Variants in COL5A1 observed in about 807,000 individuals in gnomAD.
The protein encoded by COL5A1 is collagen alpha-1(V) chain.
A neutral mutation model predicts 263.7 loss-of-function variants in COL5A1; 16 were observed. The ratio of observed to expected loss-of-function variants is 0.06; its 90% CI spans 0.04 to 0.09. The LOEUF is 0.09. Ranked by LOEUF, COL5A1 falls within the 10% of genes least tolerant of loss-of-function variation. The pLI is 1.00. For missense variants in COL5A1, 2,036 were observed against 2,540.5 expected (o/e 0.80, Z 4.27); for synonymous variants, 1,012 against 1,004.5 (o/e 1.01, Z -0.14).
At chr9:134,712,487 C>T (rs114336366) in intron 4 of COL5A1, among the ~76,000 whole-genome samples, 137 of 95,590 alleles carry the variant, frequency 1.4e-3, no homozygotes, top group African/African-American at 5.9e-3. Flanking sequence ...TATTTCCCCT[C>T]CTGCCTTCCC....
rs1352535380 is a variant in COL5A1, at chr9:134,684,948, T to TCATC, written c.110-5953_110-5950dup. 2.6e-5 allele frequency among the ~76,000 whole-genome samples: 3 copies of TCATC among 113,902 alleles called. No homozygotes were observed. In the East Asian group the frequency reaches 8.8e-4, roughly 34 times the overall value. 74.7% of individuals were successfully genotyped at this position (113,902 alleles called of 152,430 possible). On this transcript the variant is annotated intron_variant, in intron 1 of 65. Coordinates refer to ENST00000371817, the MANE Select transcript of COL5A1 (RefSeq NM_000093.5). ...ATTCATCCATCCATCCACCATCCAT[T>TCATC]CATCCATCCATCCACCATCCATCCA...
intron 39 of COL5A1, 144 bp from the exon 40 acceptor site, chr9:134,804,831 A>T (rs934378872): frequency 2.7e-6 from 2 of 729,574 alleles, no homozygotes; most frequent in African/African-American, 3.5e-5. Flanking sequence ...GAAGGCCCCA[A>T]CCCTTGGCCT....
Position 134,642,169 on chromosome 9 carries a change from C to A in COL5A1, c.-19C>A. 1 of 1,248,400 alleles carries A rather than the reference C, an allele frequency of 8.0e-7. No individual in the cohort carries two copies. Among genetic ancestry groups the A allele is most frequent in the Non-Finnish European group, 1.0e-6 (1 of 1,001,470 alleles). The allele number at this position is 1,248,400 out of a possible 1,614,324, so 77.3% of individuals were successfully genotyped here. ...CGCCTCCGAGCGCCCCTGTGCGCCC[C>A]GGCCCGCGCCCCGCCGGCATGGACG... On this transcript the variant is annotated 5_prime_UTR_variant, in exon 1 of 66. Transcript: ENST00000371817. The surrounding 1 kb of genome is among the most constrained non-coding windows in gnomAD (Gnocchi z 4.5).
chr9:134,802,320 C>T (rs1354442239), intron 38 of COL5A1, among the ~76,000 whole-genome samples: 1 of 152,152 alleles, frequency 6.6e-6, no homozygotes, highest in Non-Finnish European at 1.5e-5. Context: ...CCAAGGCAGC[C>T]GAGTCCTCCT....
rs1830140104 is a variant in COL5A1, at chr9:134,842,600, C to G, written c.*297C>G. 3.7e-6 allele frequency: 2 copies of G among 534,434 alleles called. No homozygotes were observed. The highest frequency in any genetic ancestry group is 3.8e-5 in the African/African-American group (2 of 52,400). The allele number at this position is 534,434 out of a possible 1,614,324, so 33.1% of individuals were successfully genotyped here. A position where few individuals can be genotyped will look rare whatever the true frequency, so the allele number is the denominator to read the frequency against. On this transcript the variant is annotated 3_prime_UTR_variant, in exon 66 of 66. Transcript: ENST00000371817. The surrounding 1 kb of genome is among the most constrained non-coding windows in gnomAD (Gnocchi z 5.8). The stretch of plus-strand genomic sequence containing the variant: ...CCCGGGAGCGGGGCCATGCCTCCAG[C>G]CCCCCAGCTCGCCCGACCCATCCTG...
intron 4 of COL5A1, among the ~76,000 whole-genome samples, chr9:134,719,540 T>G (rs1427816913): frequency 1.3e-5 from 2 of 152,202 alleles, no homozygotes; most frequent in Non-Finnish European, 2.9e-5. Flanking sequence ...TGGGCTTCCC[T>G]GCGTCCAGTG....
At position 134,804,825 on chromosome 9, in the gene COL5A1, G is replaced by C; in HGVS notation, c.3115-150G>C. 4 of 712,708 alleles carry C rather than the reference G, an allele frequency of 5.6e-6. No homozygotes were observed. The South Asian group carries it at 6.2e-5, about 11-fold the overall frequency. 44.1% of individuals were successfully genotyped at this position (712,708 alleles called of 1,614,324 possible). ...TGTGTCGCTGGCTCCAGGAGAGAAG[G>C]CCCCAACCCTTGGCCTCGCTCTGGG... is the stretch of plus-strand genomic sequence containing the variant. On this transcript the variant is annotated intron_variant, in intron 39 of 65. Transcript: ENST00000371817.
intron 2 of COL5A1, among the ~76,000 whole-genome samples, chr9:134,694,665 C>T (rs1045368573): frequency 2.0e-5 from 3 of 152,192 alleles, no homozygotes; most frequent in Non-Finnish European, 2.9e-5. Context: ...CCCTGAGCCA[C>T]GGTTGCTGAC....
At chr9:134,654,615 G>T (rs1314524688) in intron 1 of COL5A1, among the ~76,000 whole-genome samples, 1 of 128,798 alleles carries the variant, frequency 7.8e-6, no homozygotes, top group Non-Finnish European at 1.6e-5. Flanking sequence ...GGCTGAGGGT[G>T]TGTAGGGCTG....
chr9:134,669,794 G>C (rs908594393), intron 1 of COL5A1, among the ~76,000 whole-genome samples: 1 of 152,182 alleles, frequency 6.6e-6, no homozygotes, highest in Non-Finnish European at 1.5e-5. Flanking sequence ...GAGGGGAGAA[G>C]TGAGGAGAGC....
intron 61 of COL5A1, 144 bp from the exon 62 acceptor site, chr9:134,824,456 A>G (rs1812081645): frequency 4.0e-6 from 4 of 999,444 alleles, no homozygotes; most frequent in South Asian, 1.6e-5. Flanking sequence ...AAACAGTTCT[A>G]AGGCGGACAG....
chr9:134,762,868 CGTGTGTGT>C (rs36058752), intron 19 of COL5A1, among the ~76,000 whole-genome samples: 2 of 149,712 alleles, frequency 1.3e-5, no homozygotes, highest in Non-Finnish European at 3.0e-5. Flanking sequence ...ATTGAGAGGA[CGTGTGTGT>C]GTGTGTGTGT....
intron 1 of COL5A1, among the ~76,000 whole-genome samples, chr9:134,669,095 T>C (rs972341059): frequency 5.3e-5 from 8 of 150,036 alleles, no homozygotes; most frequent in Admixed American, 1.3e-4. Context: ...CTTTCACCCA[T>C]TGATCCAGAC....
In COL5A1 at chr9:134,798,080, G is replaced by C. The variant is rs200813206; in HGVS notation, c.2899-328G>C. On this transcript the variant is annotated intron_variant, in intron 36 of 65. Coordinates refer to ENST00000371817, the MANE Select transcript of COL5A1 (RefSeq NM_000093.5). ...TTGGACTTTGCAACTGGACAGACTT[G>C]GGTCCTGGCACCGGCTGTGTCACCT... is the stretch of plus-strand genomic sequence containing the variant. Among the ~76,000 whole-genome samples, 15 of 152,306 alleles carry C rather than the reference G, an allele frequency of 9.8e-5. No individual in the cohort carries two copies. In the East Asian group the frequency reaches 2.9e-3, roughly 29 times the overall value.
intron 1 of COL5A1, among the ~76,000 whole-genome samples, chr9:134,648,885 C>T (rs1831567493): frequency 6.6e-6 from 1 of 152,202 alleles, no homozygotes; most frequent in Admixed American, 6.5e-5. Context: ...CAGTCGCGGG[C>T]CAGGCCAAGT....
intron 1 of COL5A1, among the ~76,000 whole-genome samples, chr9:134,661,905 G>A (rs949488169): frequency 1.3e-5 from 2 of 152,110 alleles, no homozygotes; most frequent in African/African-American, 4.8e-5. Flanking sequence ...AGGATGCTAA[G>A]GCGAGTCCCA....
At chr9:134,781,816 G>T (rs1017021474) in intron 28 of COL5A1, among the ~76,000 whole-genome samples, 1 of 152,216 alleles carries the variant, frequency 6.6e-6, no homozygotes, top group Non-Finnish European at 1.5e-5. Flanking sequence ...GCTGGCGCTG[G>T]CTGGAAAGGG....
chr9:134,807,504 G>A (rs924937666), intron 42 of COL5A1, among the ~76,000 whole-genome samples: 1 of 152,204 alleles, frequency 6.6e-6, no homozygotes, highest in Non-Finnish European at 1.5e-5. Flanking sequence ...TGTTGGCCAG[G>A]CTGGTCTCGA....
chr9:134,656,657 C>A (rs529560080), intron 1 of COL5A1, among the ~76,000 whole-genome samples: 7 of 151,988 alleles, frequency 4.6e-5, no homozygotes, highest in African/African-American at 1.7e-4. Flanking sequence ...ATGCCTGCTG[C>A]TTTTATTGGG....
Sources: gnomAD v4.1 joint callset for allele counts (sites outside exome capture counted in the v4.1 genomes callset) on GRCh38, gnomAD v4.1.1 for gene constraint, Gnocchi (gnomAD v3.1) non-coding constraint, MANE v1.5 for transcripts, NCBI Gene and HGNC (gene_info 2026-07-23, HGNC 2026-07-21) for gene names.